WWOX: variants seen among roughly 807,000 people sequenced by gnomAD.
WWOX encodes WW domain-containing oxidoreductase.
WWOX carries 69 observed loss-of-function variants against 46.2 expected under a neutral mutation model. The observed-to-expected ratio is 1.49, with a 90% CI of 1.23 to 1.82. The LOEUF (loss-of-function observed/expected upper bound fraction) is 1.82. Among genes scored for constraint, WWOX ranks in the 40% most tolerant of loss-of-function variants. The probability of loss-of-function intolerance (pLI) is 0.00; values close to 1 mark genes in which losing one functional copy is unlikely to be tolerated. For missense variants in WWOX, 919 were observed against 542.6 expected (o/e 1.69, Z -6.89); for synonymous variants, 359 against 202.6 (o/e 1.77, Z -6.56).
At chr16:78,377,880 C>T (rs865975723) in intron 5 of WWOX, among the ~76,000 whole-genome samples, 4 of 152,170 alleles carry the variant, frequency 2.6e-5, no homozygotes, top group African/African-American at 9.6e-5. Flanking sequence ...GATATTGACA[C>T]GGTTATTTTA....
At chr16:78,687,246 A>G (rs2047883633) in intron 8 of WWOX, among the ~76,000 whole-genome samples, 1 of 152,200 alleles carries the variant, frequency 6.6e-6, no homozygotes, top group African/African-American at 2.4e-5. Flanking sequence ...TAGATATTGG[A>G]AATATGAACC....
chr16:78,253,906 C>T (rs1210068594), intron 5 of WWOX, among the ~76,000 whole-genome samples: 1 of 152,054 alleles, frequency 6.6e-6, no homozygotes, highest in East Asian at 1.9e-4. Flanking sequence ...CCTCGCATTC[C>T]CCTGGTACAA....
At chr16:78,803,701 T>A (rs1353778697) in intron 8 of WWOX, among the ~76,000 whole-genome samples, 2 of 152,116 alleles carry the variant, frequency 1.3e-5, no homozygotes, top group Admixed American at 6.5e-5. Flanking sequence ...TCAAGCAGTC[T>A]TCCCACCCTG....
rs576770350 is a variant in WWOX at position 78,361,845 on chromosome 16, C to T, written c.517-25015C>T. 1.7e-3 allele frequency among the ~76,000 whole-genome samples: 262 copies of T among 152,264 alleles called. 1 individual carries two copies. The highest frequency in any genetic ancestry group is 3.0e-3 in the Non-Finnish European group (202 of 68,026). ...CAGGCTGGTCTCAAACTCCTCTTCT[C>T]TGGTGATCCTCCCACCTCGGACTCC... is the stretch of plus-strand genomic sequence containing the variant. On this transcript the variant is annotated intron_variant, in intron 5 of 8. Coordinates refer to ENST00000566780, the MANE Select transcript of WWOX (RefSeq NM_016373.4).
chr16:79,092,798 C>G (rs1396754923), intron 8 of WWOX, among the ~76,000 whole-genome samples: 3 of 152,140 alleles, frequency 2.0e-5, no homozygotes, highest in Admixed American at 6.6e-5. Context: ...TTCTATGGCT[C>G]CTTCATAAAC....
chr16:79,026,810 T>C (rs2047653358), intron 8 of WWOX, among the ~76,000 whole-genome samples: 3 of 149,874 alleles, frequency 2.0e-5, no homozygotes, highest in South Asian at 4.2e-4. Context: ...TTGGTATTTT[T>C]AATAGAGACG....
chr16:78,851,447 G>C lies in WWOX; in HGVS notation c.1057-360161G>C, dbSNP rs549465889. Among the ~76,000 whole-genome samples, 4 of 152,326 alleles carry C rather than the reference G, an allele frequency of 2.6e-5. No individual in the cohort carries two copies. The East Asian group carries it at 5.8e-4, about 22-fold the overall frequency. ...ATTGTAAGTTATTTAATTGGCAAAT[G>C]ATTAAAGCAAAGGTCATTGCCTATA... On this transcript the variant is annotated intron_variant, in intron 8 of 8. Transcript: ENST00000566780.
At chr16:78,333,835 T>G (rs2151894220) in intron 5 of WWOX, among the ~76,000 whole-genome samples, 1 of 152,314 alleles carries the variant, frequency 6.6e-6, no homozygotes, top group South Asian at 2.1e-4. Context: ...AGTTAATCCA[T>G]TTAAGAAGTT....
intron 8 of WWOX, among the ~76,000 whole-genome samples, chr16:78,528,944 TTTTCTTTC>T (rs759303394): frequency 2.2e-5 from 3 of 137,612 alleles, no homozygotes; most frequent in Non-Finnish European, 4.5e-5. Context: ...TTTTCTTTTC[TTTTCTTTC>T]TTTCTTTCTT....
intron 8 of WWOX, among the ~76,000 whole-genome samples, chr16:79,018,632 C>G (rs1013664127): frequency 2.6e-5 from 4 of 152,056 alleles, no homozygotes; most frequent in African/African-American, 9.7e-5. Context: ...CATTTCAAAG[C>G]CAAAGAGATT....
At chr16:79,120,803 C>G (rs1350579272) in intron 8 of WWOX, among the ~76,000 whole-genome samples, 2 of 152,216 alleles carry the variant, frequency 1.3e-5, no homozygotes, top group East Asian at 1.9e-4. Flanking sequence ...CAGTCTCACT[C>G]TGTTGCCCCG....
rs1555561422 is a variant in WWOX, at chr16:78,894,020, T to TTATTATTA, written c.1057-317587_1057-317586insATTATTAT. On this transcript the variant is annotated intron_variant, in intron 8 of 8. Transcript: ENST00000566780. Reference sequence around the variant, plus strand: ...TAGAGTAATGTCTTTTATTGAGGCTTTTATTATTATTATTATTATTATTAT... The same window carrying TTATTATTA: ...TAGAGTAATGTCTTTTATTGAGGCTTTATTATTATTATTATTATTATTATTATTATTAT... Among the ~76,000 whole-genome samples, 860 of 140,076 alleles carry TTATTATTA rather than the reference T, an allele frequency of 6.1e-3. 11 individuals are homozygous for TTATTATTA. The highest frequency in any genetic ancestry group is 0.021 in the African/African-American group (798 of 38,420). 91.9% of individuals were successfully genotyped at this position (140,076 alleles called of 152,430 possible).
Position 78,424,968 on chromosome 16 carries a change from G to A in WWOX, c.704G>A (p.Gly235Glu). 1.2e-6 allele frequency: 2 copies of A among 1,614,016 alleles called. No homozygotes were observed. The highest frequency in any genetic ancestry group is 1.1e-5 in the South Asian group (1 of 91,058). Residue 235 changes from glycine to glutamate, a missense_variant, in exon 7 of 9, where the codon GGG becomes GAG. Transcript: ENST00000566780. ...ACCACCTTTCAAGTGAATCATCTGG[G>A]GCACTTCTACCTTGTCCAGCTCCTC... ...LETTFQVNHLGHFYLVQLLQD... is the reference protein window; with the variant it reads ...LETTFQVNHLEHFYLVQLLQD...
intron 8 of WWOX, among the ~76,000 whole-genome samples, chr16:78,862,425 TAC>T (rs2043910398): frequency 6.6e-6 from 1 of 151,744 alleles, no homozygotes; most frequent in Admixed American, 6.6e-5. Flanking sequence ...TGTGTACTAA[TAC>T]AGTGTATAAT....
At chr16:79,164,895 C>G (rs1477250487) in intron 8 of WWOX, among the ~76,000 whole-genome samples, 1 of 152,080 alleles carries the variant, frequency 6.6e-6, no homozygotes, top group African/African-American at 2.4e-5. Flanking sequence ...ACCAGGCAAA[C>G]CCACACACCA....
chr16:79,196,429 G>A (rs1214701685), intron 8 of WWOX: 1 of 151,894 alleles, frequency 6.6e-6, no homozygotes. Context: ...AGGAACATGT[G>A]CTCTGTGTGC....
intron 4 of WWOX, chr16:78,123,685 T>TGACCTCATGATCCACCC (rs1468797098): frequency 2.6e-5 from 4 of 151,836 alleles, no homozygotes; most frequent in South Asian, 4.2e-4. Context: ...CTTGAACTCC[T>TGACCTCATGATCCACCC]GACCTCATGA....
intron 8 of WWOX, among the ~76,000 whole-genome samples, chr16:79,000,622 C>G (rs79984418): frequency 0.012 from 1,900 of 152,230 alleles, 36 homozygotes; most frequent in African/African-American, 0.044. Context: ...AGATTCTCTC[C>G]CAGAACTTCC....
chr16:78,428,752 A>G (rs995608239), intron 7 of WWOX, among the ~76,000 whole-genome samples: 1 of 152,220 alleles, frequency 6.6e-6, no homozygotes. Flanking sequence ...GTATACCTGT[A>G]ATACCAGCTA....
Sources: gnomAD v4.1 joint callset for allele counts (sites outside exome capture counted in the v4.1 genomes callset) on GRCh38, gnomAD v4.1.1 for gene constraint, MANE v1.5 for transcripts, NCBI Gene and HGNC (gene_info 2026-07-23, HGNC 2026-07-21) for gene names.